The following ULK4 variants were observed in gnomAD, a reference collection of about 807,000 sequenced individuals.
The protein encoded by ULK4 is inactive serine/threonine-protein kinase ULK4.
In ULK4, 133 loss-of-function variants were observed where a neutral mutation model predicts 160.6. The ratio of observed to expected loss-of-function variants is 0.83; its 90% CI spans 0.72 to 0.96. The LOEUF is 0.96. Ranked by LOEUF, ULK4 falls within the 40% of genes least tolerant of loss-of-function variation. The pLI, the probability that ULK4 is intolerant of heterozygous loss-of-function variation, is 0.00. For synonymous variants in ULK4, 534 were observed against 539.8 expected (o/e 0.99, Z 0.15); for missense variants, 1,580 against 1,499.5 (o/e 1.05, Z -0.89).
chr3:41,675,492 A>T (rs1368561643), intron 29 of ULK4, among the ~76,000 whole-genome samples: 1 of 152,116 alleles, frequency 6.6e-6, no homozygotes, highest in Non-Finnish European at 1.5e-5. Context: ...CAGGAGGCTG[A>T]GGCAGGAGAA....
At chr3:41,846,890 T>A (rs2042083227) in intron 17 of ULK4, among the ~76,000 whole-genome samples, 1 of 152,176 alleles carries the variant, frequency 6.6e-6, no homozygotes, top group African/African-American at 2.4e-5. Flanking sequence ...TGTGTGCATT[T>A]TTTGAAAACC....
At chr3:41,719,469 A>G (rs1377454777) in intron 22 of ULK4, among the ~76,000 whole-genome samples, 2 of 152,220 alleles carry the variant, frequency 1.3e-5, no homozygotes, top group African/African-American at 2.4e-5. Context: ...AATAAAAATC[A>G]TCATCTCACC....
chr3:41,363,874 G>T (rs17030371), intron 35 of ULK4, among the ~76,000 whole-genome samples: 53,477 of 151,620 alleles, frequency 0.35, 9,715 homozygotes, highest in African/African-American at 0.45. Context: ...AGATGTTAAG[G>T]GATGTGTCCA....
At chr3:41,805,216 T>C (rs2040603574) in intron 19 of ULK4, among the ~76,000 whole-genome samples, 1 of 152,212 alleles carries the variant, frequency 6.6e-6, no homozygotes, top group African/African-American at 2.4e-5. Context: ...GTAAGTTGGA[T>C]TCCTAGGTAT....
chr3:41,884,130 T>C (rs1410348342), intron 16 of ULK4, among the ~76,000 whole-genome samples, 178 bp from the exon 17 acceptor site: 1 of 152,212 alleles, frequency 6.6e-6, no homozygotes, highest in Non-Finnish European at 1.5e-5. Context: ...CTCTCCCTCG[T>C]ATACTTAGGG....
At chr3:41,781,001 G>A (rs1387816358) in intron 21 of ULK4, among the ~76,000 whole-genome samples, 1 of 151,940 alleles carries the variant, frequency 6.6e-6, no homozygotes, top group African/African-American at 2.4e-5. Context: ...TAAACACAGA[G>A]AAAGAGAAGA....
At chr3:41,846,806 C>CAAAAAA (rs35308076) in intron 17 of ULK4, among the ~76,000 whole-genome samples, 7 of 98,994 alleles carry the variant, frequency 7.1e-5, no homozygotes, top group South Asian at 3.6e-4. Context: ...CTCTCTCTCT[C>CAAAAAA]AAAAAAAAAA....
intron 32 of ULK4, among the ~76,000 whole-genome samples, chr3:41,500,979 G>A (rs9821623): frequency 0.25 from 38,192 of 152,090 alleles, 5,006 homozygotes; most frequent in African/African-American, 0.3. Flanking sequence ...AAGGTCTACA[G>A]TTACTAATTG....
In ULK4 at chr3:41,703,834, GCACACA is replaced by G. The variant is rs35693704; in HGVS notation, c.2781+1217_2781+1222del. On this transcript the variant is annotated intron_variant, in intron 27 of 36. Transcript: ENST00000301831. ...TTTAAGTGAAGGATTTAATGCGCAT[GCACACA>G]CACACACACACACACACACACACAC... Among the ~76,000 whole-genome samples the G allele has an allele frequency of 4.6e-3, 596 of 129,256 alleles. 3 individuals are homozygous for G. Among genetic ancestry groups the G allele is most frequent in the Middle Eastern group, 0.018 (5 of 274 alleles). 84.8% of individuals were successfully genotyped at this position (129,256 alleles called of 152,430 possible).
At chr3:41,776,005 C>T (rs1309313558) in intron 21 of ULK4, among the ~76,000 whole-genome samples, 1 of 150,816 alleles carries the variant, frequency 6.6e-6, no homozygotes, top group African/African-American at 2.5e-5. Flanking sequence ...TCTTTGTACA[C>T]ATGTATTTTT....
At chr3:41,615,837 G>A (rs906104798) in intron 30 of ULK4, 120 bp from the exon 31 acceptor site, 1 of 891,020 alleles carries the variant, frequency 1.1e-6, no homozygotes, top group Non-Finnish European at 1.7e-6. Context: ...ATAAGAAATA[G>A]TATGATTAAA....
intron 35 of ULK4, among the ~76,000 whole-genome samples, chr3:41,325,343 G>A (rs2080320843): frequency 1.3e-5 from 2 of 152,128 alleles, no homozygotes; most frequent in South Asian, 4.1e-4. Flanking sequence ...ACTGGAGACA[G>A]AAAAAACTTT....
chr3:41,684,967 C>T (rs1270326886), intron 27 of ULK4, among the ~76,000 whole-genome samples: 1 of 152,194 alleles, frequency 6.6e-6, no homozygotes, highest in Non-Finnish European at 1.5e-5. Flanking sequence ...CTCTAGTTTC[C>T]TTCTGGGAAG....
At chr3:41,425,796 G>A (rs1378881121) in intron 34 of ULK4, among the ~76,000 whole-genome samples, 1 of 152,080 alleles carries the variant, frequency 6.6e-6, no homozygotes, top group Non-Finnish European at 1.5e-5. Context: ...ATAGGGAAAG[G>A]AAAAACCATT....
Position 41,491,051 on chromosome 3 carries a change from C to T in ULK4, c.3227-27798G>A, listed in dbSNP as rs564975932. 5.3e-5 allele frequency among the ~76,000 whole-genome samples: 8 copies of T among 152,054 alleles called. No homozygotes were observed. In the East Asian group the frequency reaches 5.8e-4, roughly 11 times the overall value. On this transcript the variant is annotated intron_variant, in intron 32 of 36. Transcript: ENST00000301831. ...TACAAGATCCCATTAACAATAGCAA[C>T]GAAAAGATGAGATCACTGAGAACAC...
intron 5 of ULK4, among the ~76,000 whole-genome samples, chr3:41,924,431 A>T (rs888474668): frequency 3.9e-5 from 6 of 152,212 alleles, no homozygotes; most frequent in Non-Finnish European, 5.9e-5. Flanking sequence ...CCCTGGCCAA[A>T]CAGACTAACC....
At chr3:41,572,352 A>T (rs2088007916) in intron 31 of ULK4, among the ~76,000 whole-genome samples, 1 of 152,108 alleles carries the variant, frequency 6.6e-6, no homozygotes, top group Non-Finnish European at 1.5e-5. Context: ...AAAATCTGAG[A>T]AACACTAATC....
chr3:41,783,535 CAA>C (rs36018598), intron 21 of ULK4, among the ~76,000 whole-genome samples: 20 of 134,078 alleles, frequency 1.5e-4, no homozygotes, highest in Admixed American at 2.3e-4. Flanking sequence ...GACTCTGTCT[CAA>C]AAAAAAAAAA....
At chr3:41,488,066 T>A (rs1018217969) in intron 32 of ULK4, among the ~76,000 whole-genome samples, 7 of 152,084 alleles carry the variant, frequency 4.6e-5, no homozygotes, top group African/African-American at 1.7e-4. Context: ...TGGAAACCAT[T>A]ATAAAAGATG....
Sources: allele counts gnomAD v4.1 joint callset (sites outside exome capture counted in the v4.1 genomes callset), GRCh38; gene constraint gnomAD v4.1.1; transcripts MANE v1.5; gene names NCBI Gene and HGNC (gene_info 2026-07-23, HGNC 2026-07-21).